Variants in IQSEC3 observed in about 807,000 individuals in gnomAD.
The protein encoded by IQSEC3 is IQ motif and SEC7 domain-containing protein 3.
In IQSEC3, 50 loss-of-function variants were observed where a neutral mutation model predicts 105.4. The observed-to-expected ratio is 0.47, with a 90% confidence interval of 0.38 to 0.60. The LOEUF (loss-of-function observed/expected upper bound fraction) is 0.60. Among genes scored for constraint, IQSEC3 ranks in the 20% least tolerant of loss-of-function variants. The pLI, the probability that IQSEC3 is intolerant of heterozygous loss-of-function variation, is 0.00. For missense variants in IQSEC3, 1,415 were observed against 1,630.0 expected, an observed-to-expected ratio of 0.87 and a Z score of 2.27; for synonymous variants, 708 against 746.0, an observed-to-expected ratio of 0.95 and a Z score of 0.83.
intron 1 of IQSEC3, among the ~76,000 whole-genome samples, chr12:84,441 C>T (rs577353797): frequency 5.9e-5 from 9 of 152,300 alleles, no homozygotes; most frequent in East Asian, 3.9e-4. Context: ...CATGTGTGCA[C>T]GGGCAGGGTT....
rs782688603 is a variant in IQSEC3 at position 141,327 on chromosome 12, A to G, written c.2153+42A>G. The G allele has an allele frequency of 6.9e-6, 11 of 1,583,098 alleles. No homozygotes were observed. In the Admixed American group the frequency reaches 1.5e-4, roughly 22 times the overall value. ...CCGGGCTTTCCCCACTCCTTCCCAC[A>G]CCCCACCTGCCCGGGCTCTCTCTGT... is the stretch of plus-strand genomic sequence containing the variant. On this transcript the variant is annotated intron_variant, in intron 5 of 13. Coordinates refer to ENST00000538872, the MANE Select transcript of IQSEC3 (RefSeq NM_001170738.2).
rs1555098225 is a variant in IQSEC3, at chr12:165,808, C to G, written c.2889C>G (p.Gly963=). ...AGGTGCTGCATTTCTGTGCCCTGGGCTCGGACGAGATGCAGAAGTTCGTGG... is the reference window on the plus strand; with the variant it reads ...AGGTGCTGCATTTCTGTGCCCTGGGGTCGGACGAGATGCAGAAGTTCGTGG... ...KKQVLHFCAL[G]SDEMQKFVED... is the part of the protein sequence containing the mutation. The change falls in exon 11 of 14, where the codon GGC becomes GGG. Residue 963 remains glycine (G), a synonymous_variant. Coordinates refer to ENST00000538872, the MANE Select transcript of IQSEC3 (RefSeq NM_001170738.2). The G allele has an allele frequency of 1.2e-6, 2 of 1,614,066 alleles. No individual in the cohort carries two copies. The highest frequency in any genetic ancestry group is 2.2e-5 in the South Asian group (2 of 91,080).
At chr12:110,448 AT>A (rs1321598154) in intron 2 of IQSEC3, among the ~76,000 whole-genome samples, 1 of 151,458 alleles carries the variant, frequency 6.6e-6, no homozygotes, top group Non-Finnish European at 1.5e-5. Flanking sequence ...CTTTCAAGAC[AT>A]TTTGTGTTCT....
chr12:172,016 C>A (rs1338290370), intron 13 of IQSEC3, among the ~76,000 whole-genome samples: 7 of 152,102 alleles, frequency 4.6e-5, no homozygotes, highest in African/African-American at 7.2e-5. Context: ...CCTCTTGCAC[C>A]CCAGTGAGTC....
intron 5 of IQSEC3, among the ~76,000 whole-genome samples, chr12:154,482 C>T (rs1555093585): frequency 6.6e-6 from 1 of 152,124 alleles, no homozygotes; most frequent in Non-Finnish European, 1.5e-5. Flanking sequence ...CGTTCAGAAA[C>T]AGGGAAGGGG....
chr12:122,653 G>A (rs1381696566), intron 2 of IQSEC3, among the ~76,000 whole-genome samples: 5 of 152,182 alleles, frequency 3.3e-5, no homozygotes, highest in Non-Finnish European at 7.3e-5. Context: ...GATCCCACTG[G>A]GGACTTAGGG....
chr12:109,558 G>A (rs1171323978), intron 2 of IQSEC3, among the ~76,000 whole-genome samples: 10 of 151,870 alleles, frequency 6.6e-5, no homozygotes, highest in Non-Finnish European at 1.2e-4. Context: ...TTTGCCGTAC[G>A]CAACCCACTA....
rs139400594 is a variant in IQSEC3 at position 163,503 on chromosome 12, G to A, written c.2593G>A (p.Val865Met). ...SIVGMKTVLS[V>M]PHRRLVCCSR... ...CCCTGCCCGCGTGCAGGTGCTGTCC[G>A]TGCCCCACCGCCGCCTGGTGTGCTG... is the stretch of plus-strand genomic sequence containing the variant. Residue 865 changes from valine to methionine, a missense_variant, in exon 9 of 14, where the codon GTG (valine) becomes ATG (methionine). Physicochemically the swap from Val to Met is conservative, Grantham distance 21. Coordinates refer to ENST00000538872, the MANE Select transcript of IQSEC3 (RefSeq NM_001170738.2). 1.4e-3 allele frequency: 2,229 copies of A among 1,608,218 alleles called. 4 individuals are homozygous for A. Among genetic ancestry groups the A allele is most frequent in the Non-Finnish European group, 1.6e-3 (1,836 of 1,177,518 alleles).
At chr12:124,151 C>T (rs1482133433) in intron 2 of IQSEC3, among the ~76,000 whole-genome samples, 1 of 152,044 alleles carries the variant, frequency 6.6e-6, no homozygotes, top group Non-Finnish European at 1.5e-5. Context: ...CTTTGGGAGG[C>T]TGAGGCGGGT....
chr12:71,374 C>T (rs1387606162), intron 1 of IQSEC3, among the ~76,000 whole-genome samples: 7 of 152,274 alleles, frequency 4.6e-5, no homozygotes, highest in African/African-American at 1.7e-4. Context: ...TGGAAAGAAG[C>T]AAATGGTCCT....
chr12:165,542 T>C lies in IQSEC3; in HGVS notation c.2809+9T>C, dbSNP rs782101268. On this transcript the variant is annotated intron_variant, in intron 10 of 13. Transcript: ENST00000538872. ...GCTCTTTGAGAACGAGTGTAAGTCT[T>C]TGACAGCCAGTGTAAGTCTTTGAGA... is the stretch of plus-strand genomic sequence containing the variant. 3 of 1,611,502 alleles carry C rather than the reference T, an allele frequency of 1.9e-6. No individual in the cohort carries two copies. Among genetic ancestry groups the C allele is most frequent in the South Asian group, 1.1e-5 (1 of 91,032 alleles).
Position 138,160 on chromosome 12 carries a change from A to G in IQSEC3, c.904-107A>G, listed in dbSNP as rs1865846142. The G allele has an allele frequency of 8.0e-6, 8 of 1,002,294 alleles. No individual in the cohort carries two copies. Among genetic ancestry groups the G allele is most frequent in the Non-Finnish European group, 1.2e-5 (8 of 683,068 alleles). 62.1% of individuals were successfully genotyped at this position (1,002,294 alleles called of 1,614,324 possible). A position where few individuals can be genotyped will look rare whatever the true frequency, so the allele number is the denominator to read the frequency against. ...CAGGAGCGCCCCCCCGCCCCCGTCC[A>G]TTCCTGGGCCCCACCCGAGTGTGGC... On this transcript the variant is annotated intron_variant, in intron 3 of 13. Transcript: ENST00000538872. The surrounding 1 kb of genome is among the most constrained non-coding windows in gnomAD (Gnocchi z 7.1).
chr12:84,306 A>G (rs1274676807), intron 1 of IQSEC3, among the ~76,000 whole-genome samples: 2 of 152,248 alleles, frequency 1.3e-5, no homozygotes, highest in Admixed American at 1.3e-4. Flanking sequence ...TGCAGCCACA[A>G]GATGAATGGT....
At chr12:91,195 C>T (rs1436202021) in intron 1 of IQSEC3, among the ~76,000 whole-genome samples, 2 of 152,188 alleles carry the variant, frequency 1.3e-5, no homozygotes, top group African/African-American at 2.4e-5. Context: ...GAGCACCTCC[C>T]TCCCGCTCAA....
chr12:139,059 G>A lies in IQSEC3; in HGVS notation c.1696G>A (p.Ala566Thr). 1.3e-6 allele frequency: 2 copies of A among 1,488,250 alleles called. No homozygotes were observed. The highest frequency in any genetic ancestry group is 1.3e-5 in the South Asian group (1 of 75,348). The allele number at this position is 1,488,250 out of a possible 1,614,324, so 92.2% of individuals were successfully genotyped here. A position where few individuals can be genotyped will look rare whatever the true frequency, so the allele number is the denominator to read the frequency against. Residue 566 changes from alanine (A) to threonine (T), a missense_variant, in exon 4 of 14, where the codon GCC becomes ACC. This residue lies in a region of IQSEC3 where 720 missense variants were observed against 633.0 expected (regional missense o/e 1.14). Coordinates refer to ENST00000538872, the MANE Select transcript of IQSEC3 (RefSeq NM_001170738.2). ...TGCGGCTAGTGGGGCGGCGGATGGGGCCACAGCCCCCAAAACAGAGGAGGA... is the reference window on the plus strand; with the variant it reads ...TGCGGCTAGTGGGGCGGCGGATGGGACCACAGCCCCCAAAACAGAGGAGGA... ...EAAASGAADG[A>T]TAPKTEEEEE... is the part of the protein sequence containing the mutation.
chr12:95,717 C>T (rs1565391569), intron 1 of IQSEC3, among the ~76,000 whole-genome samples: 1 of 152,158 alleles, frequency 6.6e-6, no homozygotes, highest in Non-Finnish European at 1.5e-5. Context: ...ACTGGGATCA[C>T]TCTTTATATA....
intron 7 of IQSEC3, among the ~76,000 whole-genome samples, chr12:161,646 G>A (rs950598259): frequency 2.0e-5 from 3 of 152,218 alleles, no homozygotes; most frequent in Non-Finnish European, 4.4e-5. Flanking sequence ...CTGCCATCAG[G>A]AAAGAGGCCT....
chr12:114,091 G>C lies in IQSEC3; in HGVS notation c.624-11542G>C, dbSNP rs117177596. On this transcript the variant is annotated intron_variant, in intron 2 of 13. Transcript: ENST00000538872. ...AGCACTTAACTTCTTAGGGTGTTTG[G>C]CAGGATTAAATGTGATAATGCCTGG... Among the ~76,000 whole-genome samples the C allele has an allele frequency of 2.4e-3, 372 of 152,316 alleles. 1 individual carries two copies. The highest frequency in any genetic ancestry group is 4.4e-3 in the Non-Finnish European group (297 of 68,026).
Position 125,837 on chromosome 12 carries a change from C to T in IQSEC3, c.828C>T (p.Ala276=). The change falls in exon 3 of 14, where the codon GCC becomes GCT. Residue 276 remains alanine (A), a synonymous_variant. Coordinates refer to ENST00000538872, the MANE Select transcript of IQSEC3 (RefSeq NM_001170738.2). ...CCTCCCCCGGCCGGCAGCAGCCTGC[C>T]CTGGCGACGGCGCTGTGCCCCCACG... is the stretch of plus-strand genomic sequence containing the variant. The part of the protein sequence containing the change: ...HKASPGRQQP[A]LATALCPHAP... The T allele has an allele frequency of 6.5e-7, 1 of 1,532,168 alleles. No individual in the cohort carries two copies. The highest frequency in any genetic ancestry group is 8.7e-7 in the Non-Finnish European group (1 of 1,145,740). The allele number at this position is 1,532,168 out of a possible 1,614,324, so 94.9% of individuals were successfully genotyped here.
Sources: allele counts gnomAD v4.1 joint callset (sites outside exome capture counted in the v4.1 genomes callset), GRCh38; gene constraint gnomAD v4.1.1; regional missense constraint gnomAD v4.1.1; non-coding constraint Gnocchi (gnomAD v3.1); transcripts MANE v1.5; gene names NCBI Gene and HGNC (gene_info 2026-07-23, HGNC 2026-07-21).